CYFIP1: variants seen among roughly 807,000 people sequenced by gnomAD.
CYFIP1 encodes the protein cytoplasmic FMR1 interacting protein 1, also known as cytoplasmic FMR1-interacting protein 1.
A neutral mutation model predicts 163.5 loss-of-function variants in CYFIP1; 58 were observed. The observed-to-expected ratio is 0.35, with a 90% CI of 0.29 to 0.44. CYFIP1 has a LOEUF of 0.44. Among genes scored for constraint, CYFIP1 ranks in the 20% least tolerant of loss-of-function variants. The pLI, the probability that CYFIP1 is intolerant of heterozygous loss-of-function variation, is 1.00. For missense variants in CYFIP1, 1,338 were observed against 1,653.8 expected, an observed-to-expected ratio of 0.81 and a Z score of 3.31; for synonymous variants, 663 against 660.7, an observed-to-expected ratio of 1.00 and a Z score of -0.05.
rs748929220 is a variant in CYFIP1 at position 22,927,898 on chromosome 15, G to C, written c.1233+8C>G. The stretch of plus-strand genomic sequence containing the variant: ...TGGAGCGGGGCTGGGGTCGGGGACG[G>C]GGCCTACCACTTCCATCACGTGCGC... On this transcript the variant is annotated splice_region_variant and intron_variant, in intron 12 of 30. Transcript: ENST00000617928. 5 of 1,600,064 alleles carry C rather than the reference G, an allele frequency of 3.1e-6. No homozygotes were observed. The highest frequency in any genetic ancestry group is 4.3e-6 in the Non-Finnish European group (5 of 1,176,104).
At chr15:22,928,150 C>A in intron 11 of CYFIP1, 122 bp from the exon 12 acceptor site, 1 of 1,211,266 alleles carries the variant, frequency 8.3e-7, no homozygotes, top group Admixed American at 3.6e-5. Flanking sequence ...ATGCAGGAGG[C>A]CAAGGCGGGC....
intron 1 of CYFIP1, among the ~76,000 whole-genome samples, chr15:22,959,481 C>T (rs988901199): frequency 9.2e-5 from 14 of 152,204 alleles, no homozygotes; most frequent in Admixed American, 2.6e-4. Flanking sequence ...GCCGCAGCCC[C>T]GTGGCTTGCC....
At chr15:22,949,845 C>T (rs1448661705) in intron 1 of CYFIP1, among the ~76,000 whole-genome samples, 4 of 151,700 alleles carry the variant, frequency 2.6e-5, no homozygotes, top group South Asian at 2.1e-4. Context: ...GAGCAACCAC[C>T]GAAGAAAGCT....
chr15:22,923,146 G>A (rs532266011), intron 13 of CYFIP1, among the ~76,000 whole-genome samples: 1 of 152,200 alleles, frequency 6.6e-6, no homozygotes, highest in East Asian at 1.9e-4. Flanking sequence ...AACACTTTGT[G>A]TCTCAAAAGA....
At chr15:22,946,567 G>C in intron 3 of CYFIP1, 1 of 309,980 alleles carries the variant, frequency 3.2e-6, no homozygotes, top group South Asian at 2.9e-5. Context: ...CTTGAACCTG[G>C]GAGGCGGAGG....
intron 13 of CYFIP1, among the ~76,000 whole-genome samples, chr15:22,921,141 A>G (rs2061162412): frequency 1.3e-5 from 2 of 152,052 alleles, no homozygotes; most frequent in South Asian, 4.2e-4. Context: ...AGGCCGAGGC[A>G]GGCGGATCAC....
At chr15:22,956,990 A>C (rs533951490) in intron 1 of CYFIP1, among the ~76,000 whole-genome samples, 1 of 152,380 alleles carries the variant, frequency 6.6e-6, no homozygotes, top group Non-Finnish European at 1.5e-5. Context: ...TTAAAATAGA[A>C]ACTGCCAAGA....
At chr15:22,903,067 C>T (rs1033778266) in intron 22 of CYFIP1, among the ~76,000 whole-genome samples, 11 of 152,308 alleles carry the variant, frequency 7.2e-5, no homozygotes, top group Non-Finnish European at 1.3e-4. Flanking sequence ...CACTCCTCTA[C>T]GTCTGGATGG....
intron 1 of CYFIP1, among the ~76,000 whole-genome samples, chr15:22,964,390 CA>C: frequency 6.9e-6 from 1 of 145,434 alleles, no homozygotes; most frequent in South Asian, 2.2e-4. Context: ...CACACACACA[CA>C]CACACACACA....
chr15:22,973,062 G>C (rs1328515055), intron 1 of CYFIP1, among the ~76,000 whole-genome samples: 1 of 152,016 alleles, frequency 6.6e-6, no homozygotes, highest in African/African-American at 2.4e-5. Flanking sequence ...TTTGAACCTG[G>C]GAGACAGAGG....
At chr15:22,882,733 G>A in intron 24 of CYFIP1, 135 bp downstream of exon 24, 1 of 981,798 alleles carries the variant, frequency 1.0e-6, no homozygotes, top group Non-Finnish European at 1.5e-6. Context: ...AACTATATAT[G>A]GTCAGAAATG....
At chr15:22,897,236 C>T (rs4778468) in intron 22 of CYFIP1, among the ~76,000 whole-genome samples, 31,074 of 151,430 alleles carry the variant, frequency 0.21, 3,447 homozygotes, top group Admixed American at 0.34. Flanking sequence ...AAAACTAGTA[C>T]AACAAAGGGA....
intron 1 of CYFIP1, among the ~76,000 whole-genome samples, chr15:22,968,098 T>C (rs1218415130): frequency 6.6e-6 from 1 of 152,048 alleles, no homozygotes. Context: ...ATAGCGCCAC[T>C]GCACTCCAGC....
chr15:22,882,914 C>CCCTGGTAG lies in CYFIP1; in HGVS notation c.2766_2773dup (p.Gly925AlafsTer13). ...CAGCTCCTCCATGACCACGGCGATA[C>CCCTGGTAG]CCTGGTAGCCGAGAAGCCGGCAGAT... is the stretch of plus-strand genomic sequence containing the variant. On this transcript the variant is annotated frameshift_variant, in exon 24 of 31. Transcript: ENST00000617928. LOFTEE classifies it high-confidence loss of function. The CCCTGGTAG allele has an allele frequency of 6.2e-7, 1 of 1,614,032 alleles. No individual in the cohort carries two copies. The highest frequency in any genetic ancestry group is 8.5e-7 in the Non-Finnish European group (1 of 1,179,952).
intron 23 of CYFIP1, among the ~76,000 whole-genome samples, chr15:22,885,616 C>T (rs2059907705): frequency 6.6e-6 from 1 of 152,082 alleles, no homozygotes; most frequent in Non-Finnish European, 1.5e-5. Context: ...ACCTGTAATC[C>T]CAGCTACTTG....
intron 13 of CYFIP1, 107 bp from the exon 14 acceptor site, chr15:22,918,965 C>T (rs1479025717): frequency 3.4e-6 from 3 of 879,608 alleles, no homozygotes; most frequent in Admixed American, 2.5e-5. Context: ...GCACCTTACG[C>T]CCTCCCGCGT....
chr15:22,879,882 C>T (rs775873420), intron 26 of CYFIP1, 31 bp downstream of exon 26: 23 of 1,267,782 alleles, frequency 1.8e-5, no homozygotes, highest in East Asian at 6.2e-5. Context: ...TGGGCTGGGG[C>T]GGGGAGGGGC....
chr15:22,946,219 G>A (rs1342688355), intron 3 of CYFIP1, among the ~76,000 whole-genome samples: 1 of 151,780 alleles, frequency 6.6e-6, no homozygotes, highest in Non-Finnish European at 1.5e-5. Flanking sequence ...TGGGAGGATT[G>A]CTTGAACCCG....
chr15:22,881,243 C>CTAG (rs2059752347), intron 25 of CYFIP1, among the ~76,000 whole-genome samples: 1 of 152,232 alleles, frequency 6.6e-6, no homozygotes, highest in South Asian at 2.1e-4. Context: ...CAACACAAGG[C>CTAG]TAGTGTTCAA....
Sources: gnomAD v4.1 joint callset for allele counts (sites outside exome capture counted in the v4.1 genomes callset) on GRCh38, gnomAD v4.1.1 for gene constraint, MANE v1.5 for transcripts, NCBI Gene and HGNC (gene_info 2026-07-23, HGNC 2026-07-21) for gene names.